MAGI1: variants seen among roughly 807,000 people sequenced by gnomAD.
MAGI1 encodes the protein membrane-associated guanylate kinase, WW and PDZ domain-containing protein 1.
A neutral mutation model predicts 139.9 loss-of-function variants in MAGI1; 58 were observed. The ratio of observed to expected loss-of-function variants is 0.41; its 90% CI spans 0.34 to 0.52. MAGI1 has a LOEUF of 0.52. MAGI1 is among the 20% of genes least tolerant of loss of function. The pLI is 0.12. For missense variants in MAGI1, 1,874 were observed against 1,901.6 expected, an observed-to-expected ratio of 0.99 and a Z score of 0.27; for synonymous variants, 812 against 737.9, an observed-to-expected ratio of 1.10 and a Z score of -1.63.
chr3:65,754,234 GAATC>G (rs1365248940), intron 1 of MAGI1, among the ~76,000 whole-genome samples: 4 of 152,024 alleles, frequency 2.6e-5, no homozygotes, highest in Non-Finnish European at 5.9e-5. Context: ...CCGCAACAAA[GAATC>G]AAGCAAATAT....
rs553347326 is a variant in MAGI1 at position 66,009,366 on chromosome 3, C to G, written c.313+28630G>C. 2.0e-5 allele frequency among the ~76,000 whole-genome samples: 3 copies of G among 152,114 alleles called. No homozygotes were observed. The East Asian group carries it at 5.8e-4, about 30-fold the overall frequency. On this transcript the variant is annotated intron_variant, in intron 1 of 22. Transcript: ENST00000402939. ...CTCCACTAAAAATACAAAAATTAGC[C>G]GGGCGTGGTGGCCGGTGCTTGTAAT...
At chr3:66,007,075 A>C (rs997078467) in intron 1 of MAGI1, among the ~76,000 whole-genome samples, 3 of 152,080 alleles carry the variant, frequency 2.0e-5, no homozygotes, top group Non-Finnish European at 4.4e-5. Context: ...TCCTGGCTTC[A>C]AGCAATTCTC....
rs2079299031 is a variant in MAGI1 at position 65,542,760 on chromosome 3, A to C, written c.431-49129T>G. Among the ~76,000 whole-genome samples, 3 of 152,238 alleles carry C rather than the reference A, an allele frequency of 2.0e-5. No homozygotes were observed. The South Asian group carries it at 6.2e-4, about 32-fold the overall frequency. On this transcript the variant is annotated intron_variant, in intron 2 of 22. Coordinates refer to ENST00000402939, the MANE Select transcript of MAGI1 (RefSeq NM_001033057.2). Reference sequence around the variant, plus strand: ...TTATAAAAAAATTAACTCGAGATGGAGTAAAGACTTAAACATAAGACCTAA... The same window carrying C: ...TTATAAAAAAATTAACTCGAGATGGCGTAAAGACTTAAACATAAGACCTAA...
chr3:65,684,181 AAAAAAG>A (rs1226285502), intron 1 of MAGI1, among the ~76,000 whole-genome samples: 2 of 150,290 alleles, frequency 1.3e-5, no homozygotes, highest in African/African-American at 2.4e-5. Context: ...AAAAAAAAAA[AAAAAAG>A]AAAAGAAAAG....
At chr3:65,419,227 C>CACACACACACACACACACAT (rs1357819673) in intron 12 of MAGI1, among the ~76,000 whole-genome samples, 7 of 142,576 alleles carry the variant, frequency 4.9e-5, no homozygotes, top group African/African-American at 1.9e-4. Flanking sequence ...TTCATACACA[C>CACACACACACACACACACAT]ACACACACAC....
chr3:65,954,355 T>C (rs1163613432), intron 1 of MAGI1: 1 of 152,524 alleles, frequency 6.6e-6, no homozygotes, highest in Admixed American at 6.6e-5. Context: ...GCAGGCCAGC[T>C]AGAACGGGGT....
intron 1 of MAGI1, among the ~76,000 whole-genome samples, chr3:66,037,055 C>A (rs2107618622): frequency 6.6e-6 from 1 of 152,310 alleles, no homozygotes; most frequent in South Asian, 2.1e-4. Context: ...TCCCCCCACT[C>A]CTTCCTCCTC....
At chr3:65,606,282 G>A (rs1209015885) in intron 2 of MAGI1, among the ~76,000 whole-genome samples, 2 of 152,114 alleles carry the variant, frequency 1.3e-5, no homozygotes, top group East Asian at 1.9e-4. Context: ...CCACTGCACC[G>A]TGCCTCTCAG....
At chr3:65,637,510 C>T (rs1193476108) in intron 1 of MAGI1, among the ~76,000 whole-genome samples, 1 of 149,434 alleles carries the variant, frequency 6.7e-6, no homozygotes, top group African/African-American at 2.5e-5. Context: ...GACATGATGG[C>T]ATCACTGCAT....
chr3:65,402,597 C>T (rs1405841675), intron 12 of MAGI1, among the ~76,000 whole-genome samples: 3 of 152,056 alleles, frequency 2.0e-5, no homozygotes, highest in East Asian at 3.9e-4. Context: ...TGATGCTGCA[C>T]CGGAGATTTC....
In MAGI1 at chr3:65,356,255, T is replaced by C; in HGVS notation, c.*123A>G. 2 of 899,866 alleles carry C rather than the reference T, an allele frequency of 2.2e-6. No individual in the cohort carries two copies. Among genetic ancestry groups the C allele is most frequent in the Middle Eastern group, 2.3e-4 (1 of 4,312 alleles). The allele number at this position is 899,866 out of a possible 1,614,324, so 55.7% of individuals were successfully genotyped here. ...AGATTTCAAATGCATAAAATGTTTG[T>C]TGTTATTCATAGGATCATCAGGTGT... On this transcript the variant is annotated 3_prime_UTR_variant, in exon 23 of 23. Coordinates refer to ENST00000402939, the MANE Select transcript of MAGI1 (RefSeq NM_001033057.2).
At chr3:65,630,293 A>G (rs1171155425) in intron 1 of MAGI1, among the ~76,000 whole-genome samples, 1 of 152,150 alleles carries the variant, frequency 6.6e-6, no homozygotes, top group Non-Finnish European at 1.5e-5. Flanking sequence ...CCAGGCAGAG[A>G]CAATTGTTAA....
chr3:65,363,442 C>T, intron 21 of MAGI1, 23 bp downstream of exon 21: 2 of 1,591,544 alleles, frequency 1.3e-6, no homozygotes, highest in Non-Finnish European at 1.7e-6. Flanking sequence ...TTGCACCTAC[C>T]CCAGACTCCT....
intron 1 of MAGI1, among the ~76,000 whole-genome samples, chr3:65,977,848 T>G (rs1004564815): frequency 2.6e-5 from 4 of 152,158 alleles, no homozygotes; most frequent in Admixed American, 6.5e-5. Flanking sequence ...CCACGTTCTT[T>G]GCCGCCTCGG....
At chr3:65,705,431 G>A (rs1251744844) in intron 1 of MAGI1, among the ~76,000 whole-genome samples, 1 of 152,182 alleles carries the variant, frequency 6.6e-6, no homozygotes, top group African/African-American at 2.4e-5. Flanking sequence ...AAGCAACTGT[G>A]AGCATTCACT....
intron 1 of MAGI1, among the ~76,000 whole-genome samples, chr3:66,002,040 G>A (rs1490352807): frequency 6.6e-6 from 1 of 152,166 alleles, no homozygotes; most frequent in Non-Finnish European, 1.5e-5. Flanking sequence ...GAAGCCACTT[G>A]ACAGGCTTCC....
intron 1 of MAGI1, among the ~76,000 whole-genome samples, chr3:65,725,119 T>C (rs996885693): frequency 3.9e-5 from 6 of 152,170 alleles, no homozygotes; most frequent in African/African-American, 1.4e-4. Context: ...AGGAAACAAC[T>C]CCAAATGAGA....
At chr3:65,549,501 G>A in intron 2 of MAGI1, 2 of 985,276 alleles carry the variant, frequency 2.0e-6, no homozygotes, top group Non-Finnish European at 2.4e-6. Context: ...CCGCGCGTCT[G>A]AGCGGCCCGG....
chr3:65,950,067 C>CAAAAAAAAAAAAAAAAAAAAAAAAAAA (rs61696952), intron 1 of MAGI1, among the ~76,000 whole-genome samples: 8 of 76,714 alleles, frequency 1.0e-4, no homozygotes, highest in African/African-American at 2.3e-4. Flanking sequence ...AACAAAAAAA[C>CAAAAAAAAAAAAAAAAAAAAAAAAAAA]AAAAAAAAAA....
Sources: gnomAD v4.1 joint callset for allele counts (sites outside exome capture counted in the v4.1 genomes callset) on GRCh38, gnomAD v4.1.1 for gene constraint, MANE v1.5 for transcripts, NCBI Gene and HGNC (gene_info 2026-07-23, HGNC 2026-07-21) for gene names.